The following KIAA1217 variants were observed in gnomAD, a reference collection of about 807,000 sequenced individuals.
KIAA1217 encodes KIAA1217.
A neutral mutation model predicts 163.9 loss-of-function variants in KIAA1217; 88 were observed. The ratio of observed to expected loss-of-function variants is 0.54; its 90% CI spans 0.45 to 0.64. The LOEUF is 0.64. Ranked by LOEUF, KIAA1217 falls within the 30% of genes least tolerant of loss-of-function variation. The pLI, the probability that KIAA1217 is intolerant of heterozygous loss-of-function variation, is 0.00. For synonymous variants in KIAA1217, 903 were observed against 923.1 expected (o/e 0.98, Z 0.39); for missense variants, 2,372 against 2,475.0 (o/e 0.96, Z 0.88).
At chr10:23,944,875 ATGGTGAAACCC>A (rs1264949096) in intron 1 of KIAA1217, among the ~76,000 whole-genome samples, 1 of 152,142 alleles carries the variant, frequency 6.6e-6, no homozygotes, top group Non-Finnish European at 1.5e-5. Flanking sequence ...CCTGGCCAAC[ATGGTGAAACCC>A]TGTCTCTACT....
chr10:23,749,339 G>GTCTC (rs989442062), intron 1 of KIAA1217, among the ~76,000 whole-genome samples: 2 of 151,852 alleles, frequency 1.3e-5, no homozygotes, highest in Non-Finnish European at 2.9e-5. Flanking sequence ...ATTCTCCTAT[G>GTCTC]TCTCTTTCTC....
chr10:24,483,372 G>A lies in KIAA1217; in HGVS notation c.1679+9312G>A, dbSNP rs562345178. 6.0e-4 allele frequency among the ~76,000 whole-genome samples: 91 copies of A among 152,166 alleles called. 3 individuals are homozygous for A. Among genetic ancestry groups the A allele is most frequent in the Middle Eastern group, 3.4e-3 (1 of 294 alleles). On this transcript the variant is annotated intron_variant, in intron 6 of 20. Transcript: ENST00000376454. ...CCCACTCAGTCCCTGCCCACCTTCC[G>A]CCTGTTCTCATTGGGGAGGCCAGAG... is the stretch of plus-strand genomic sequence containing the variant.
Position 23,869,124 on chromosome 10 carries a change from GTTTTTTTTTT to G in KIAA1217, c.-320-138080_-320-138071del, listed in dbSNP as rs58288361. Among the ~76,000 whole-genome samples the G allele has an allele frequency of 5.4e-4, 17 of 31,724 alleles. No individual in the cohort carries two copies. The East Asian group carries it at 6.0e-3, about 11-fold the overall frequency. 20.8% of individuals were successfully genotyped at this position (31,724 alleles called of 152,430 possible). A position where few individuals can be genotyped will look rare whatever the true frequency, so the allele number is the denominator to read the frequency against. ...GTGTAACGTGCAATCATGAAATGTA[GTTTTTTTTTT>G]TTTTTTTTTTTTTTTTTTTTGCATA... On this transcript the variant is annotated intron_variant, in intron 1 of 18. Transcript: ENST00000376462.
intron 1 of KIAA1217, among the ~76,000 whole-genome samples, chr10:23,860,003 A>C (rs547630582): frequency 6.6e-6 from 1 of 152,196 alleles, no homozygotes; most frequent in African/African-American, 2.4e-5. Context: ...ATTTGCAGCA[A>C]CAATGCTGAC....
At chr10:23,838,397 G>A (rs539927141) in intron 1 of KIAA1217, among the ~76,000 whole-genome samples, 158 of 151,956 alleles carry the variant, frequency 1.0e-3, no homozygotes, top group African/African-American at 3.3e-3. Flanking sequence ...CAACATAAAA[G>A]ATGAAAAATG....
intron 1 of KIAA1217, among the ~76,000 whole-genome samples, chr10:23,946,507 A>C (rs1256218268): frequency 6.6e-6 from 1 of 152,148 alleles, no homozygotes; most frequent in Admixed American, 6.5e-5. Flanking sequence ...AAATTCCCTT[A>C]CTTATAACAA....
intron 6 of KIAA1217, among the ~76,000 whole-genome samples, chr10:24,474,911 A>C (rs1251680344): frequency 6.6e-6 from 1 of 152,182 alleles, no homozygotes; most frequent in Non-Finnish European, 1.5e-5. Flanking sequence ...TATATGAATC[A>C]AGGGGTATGA....
upstream of KIAA1217, among the ~76,000 whole-genome samples, chr10:24,205,080 T>C (rs891703081): frequency 3.0e-4 from 45 of 152,150 alleles, no homozygotes; most frequent in African/African-American, 1.1e-3. Flanking sequence ...CTTAATAGGA[T>C]TTAAAGTGAA....
At chr10:23,741,167 A>G (rs1347558865) in intron 1 of KIAA1217, among the ~76,000 whole-genome samples, 1 of 152,150 alleles carries the variant, frequency 6.6e-6, no homozygotes, top group African/African-American at 2.4e-5. Flanking sequence ...AATTAATGTA[A>G]TTCTGGATTG....
rs1554795226 is a variant in KIAA1217 at position 23,790,566 on chromosome 10, T to TATATGTGC, written c.-321+95336_-321+95337insGTGCATAT. Among the ~76,000 whole-genome samples, 2 of 76,708 alleles carry TATATGTGC rather than the reference T, an allele frequency of 2.6e-5. 1 individual carries two copies. The highest frequency in any genetic ancestry group is 2.0e-4 in the African/African-American group (2 of 10,008). The allele number at this position is 76,708 out of a possible 152,430, so 50.3% of individuals were successfully genotyped here. ...GTGCATATATACATATGTACATATG[T>TATATGTGC]ATATATACATATGTATATGTACATA... is the stretch of plus-strand genomic sequence containing the variant. On this transcript the variant is annotated intron_variant, in intron 1 of 18. Transcript: ENST00000376462.
intron 1 of KIAA1217, among the ~76,000 whole-genome samples, chr10:23,768,388 TGTTG>T (rs1405354631): frequency 1.3e-5 from 2 of 152,170 alleles, no homozygotes; most frequent in Admixed American, 1.3e-4. Flanking sequence ...ACCATCAGAA[TGTTG>T]GTTGGAATGA....
chr10:24,451,986 A>T (rs868592314), intron 5 of KIAA1217, among the ~76,000 whole-genome samples: 6 of 152,152 alleles, frequency 3.9e-5, no homozygotes, highest in African/African-American at 1.4e-4. Context: ...ACCCTACTCT[A>T]TAGAGGGCTT....
chr10:24,521,984 C>T (rs1406821543), intron 12 of KIAA1217, 55 bp downstream of exon 12: 2 of 1,568,432 alleles, frequency 1.3e-6, no homozygotes, highest in African/African-American at 1.3e-5. Context: ...CACTGGGAAA[C>T]CGAGAGTGGA....
chr10:24,372,166 C>G (rs1038249567), intron 2 of KIAA1217, among the ~76,000 whole-genome samples: 2 of 152,176 alleles, frequency 1.3e-5, no homozygotes, highest in African/African-American at 4.8e-5. Flanking sequence ...AAACCAATCA[C>G]TGAGACAAGT....
chr10:24,145,548 A>G (rs894956338), intron 2 of KIAA1217, among the ~76,000 whole-genome samples: 1 of 152,188 alleles, frequency 6.6e-6, no homozygotes, highest in African/African-American at 2.4e-5. Context: ...AACTAATAGG[A>G]TAGATGTATA....
chr10:24,019,382 ATACT>A (rs1265692525), intron 2 of KIAA1217, among the ~76,000 whole-genome samples: 4 of 147,540 alleles, frequency 2.7e-5, no homozygotes, highest in African/African-American at 4.9e-5. Context: ...AAATACATAC[ATACT>A]TAAGGAATGC....
intron 2 of KIAA1217, among the ~76,000 whole-genome samples, chr10:24,347,395 C>T (rs2047923068): frequency 6.6e-6 from 1 of 152,184 alleles, no homozygotes; most frequent in African/African-American, 2.4e-5. Flanking sequence ...ATTTTTTTTA[C>T]ATCCTCTTGT....
chr10:24,436,711 C>T (rs986385771), intron 4 of KIAA1217, among the ~76,000 whole-genome samples: 11 of 119,122 alleles, frequency 9.2e-5, no homozygotes, highest in South Asian at 2.8e-4. Context: ...TGAGCCGAGA[C>T]GGTGCCACTG....
chr10:23,884,018 A>C (rs1204519212), intron 1 of KIAA1217, among the ~76,000 whole-genome samples: 2 of 151,968 alleles, frequency 1.3e-5, no homozygotes, highest in African/African-American at 4.8e-5. Context: ...ACTGAAAGGC[A>C]TCTTAGTTGT....
Sources: gnomAD v4.1 joint callset for allele counts (sites outside exome capture counted in the v4.1 genomes callset) on GRCh38, gnomAD v4.1.1 for gene constraint, MANE v1.5 for transcripts, NCBI Gene and HGNC (gene_info 2026-07-23, HGNC 2026-07-21) for gene names.